The following WWOX variants were observed in gnomAD, a reference collection of about 807,000 sequenced individuals.
WWOX encodes WW domain-containing oxidoreductase.
WWOX carries 69 observed loss-of-function variants against 46.2 expected under a neutral mutation model. The ratio of observed to expected loss-of-function variants is 1.49; its 90% CI spans 1.23 to 1.82. WWOX has a LOEUF of 1.82. Among genes scored for constraint, WWOX ranks in the 40% most tolerant of loss-of-function variants. The pLI is 0.00. For synonymous variants in WWOX, 359 were observed against 202.6 expected, an observed-to-expected ratio of 1.77 and a Z score of -6.56; for missense variants, 919 against 542.6, an observed-to-expected ratio of 1.69 and a Z score of -6.89.
intron 8 of WWOX, 55 bp downstream of exon 8, chr16:78,432,807 C>T (rs11150078): frequency 1.9e-6 from 3 of 1,612,786 alleles, no homozygotes; most frequent in Admixed American, 3.3e-5. Context: ...GAAACCTGCA[C>T]ACTTGTGTCT....
chr16:78,388,064 G>C (rs1374501502), intron 6 of WWOX, among the ~76,000 whole-genome samples: 1 of 152,136 alleles, frequency 6.6e-6, no homozygotes, highest in Non-Finnish European at 1.5e-5. Context: ...TCCTTGCATG[G>C]CTGTGTCACC....
At chr16:79,100,740 A>G (rs2049175038) in intron 8 of WWOX, among the ~76,000 whole-genome samples, 1 of 152,174 alleles carries the variant, frequency 6.6e-6, no homozygotes, top group Non-Finnish European at 1.5e-5. Context: ...TGCAATTAAA[A>G]TAATTCAGGG....
chr16:78,249,104 C>T (rs984650673), intron 5 of WWOX, among the ~76,000 whole-genome samples: 8 of 152,114 alleles, frequency 5.3e-5, no homozygotes, highest in Non-Finnish European at 7.4e-5. Context: ...CCTCCCACCT[C>T]GACCTCCCAA....
chr16:78,317,101 G>A (rs1053099855), intron 5 of WWOX, among the ~76,000 whole-genome samples: 13 of 152,174 alleles, frequency 8.5e-5, no homozygotes, highest in African/African-American at 3.1e-4. Flanking sequence ...GAAATTGGAG[G>A]GACTTGGAGA....
chr16:78,494,924 C>T (rs887201443), intron 8 of WWOX, among the ~76,000 whole-genome samples: 32 of 152,154 alleles, frequency 2.1e-4, no homozygotes, highest in African/African-American at 5.6e-4. Flanking sequence ...TTGTTATTTC[C>T]TCTTTCGGTA....
chr16:78,585,580 C>T (rs911300518), intron 8 of WWOX, among the ~76,000 whole-genome samples: 1 of 152,152 alleles, frequency 6.6e-6, no homozygotes, highest in Non-Finnish European at 1.5e-5. Flanking sequence ...GTGGCTCCAC[C>T]AGGACCTCTT....
At chr16:78,310,183 G>A (rs149932696) in intron 5 of WWOX, among the ~76,000 whole-genome samples, 4 of 151,698 alleles carry the variant, frequency 2.6e-5, no homozygotes, top group South Asian at 2.1e-4. Context: ...AGAATTTTCC[G>A]TAAGAACATT....
chr16:79,181,162 G>A (rs964059327), intron 8 of WWOX, among the ~76,000 whole-genome samples: 4 of 152,162 alleles, frequency 2.6e-5, no homozygotes, highest in African/African-American at 9.7e-5. Context: ...GATTATACAT[G>A]CACTATAGGA....
chr16:78,503,192 A>C (rs1412133292), intron 8 of WWOX, among the ~76,000 whole-genome samples: 1 of 152,172 alleles, frequency 6.6e-6, no homozygotes. Context: ...ATTCCCTTTA[A>C]GCTGCTTATC....
chr16:79,147,620 A>G (rs1049552205), intron 8 of WWOX, among the ~76,000 whole-genome samples: 6 of 152,200 alleles, frequency 3.9e-5, no homozygotes, highest in African/African-American at 1.2e-4. Context: ...CATGAATGCA[A>G]TTGGTGGGTT....
rs2046264903 is a variant in WWOX at position 78,961,227 on chromosome 16, A to C, written c.1057-250381A>C. On this transcript the variant is annotated intron_variant, in intron 8 of 8. Transcript: ENST00000566780. ...GAAGTTAAAAGGTCTATGCAGATTAACGAGGAAAAATGAGGGAAATTACTG... is the reference window on the plus strand; with the variant it reads ...GAAGTTAAAAGGTCTATGCAGATTACCGAGGAAAAATGAGGGAAATTACTG... Among the ~76,000 whole-genome samples, 4 of 152,344 alleles carry C rather than the reference A, an allele frequency of 2.6e-5. No homozygotes were observed. In the South Asian group the frequency reaches 8.3e-4, roughly 32 times the overall value.
chr16:78,549,185 A>G (rs2044118552), intron 8 of WWOX, among the ~76,000 whole-genome samples: 1 of 152,192 alleles, frequency 6.6e-6, no homozygotes, highest in Non-Finnish European at 1.5e-5. Context: ...AGGAGGGACA[A>G]TAGAACCTCT....
intron 8 of WWOX, among the ~76,000 whole-genome samples, chr16:79,060,853 G>A (rs541416304): frequency 6.6e-6 from 1 of 152,308 alleles, no homozygotes; most frequent in Middle Eastern, 3.4e-3. Flanking sequence ...TTATTGAAAT[G>A]AATATTGGTT....
intron 8 of WWOX, among the ~76,000 whole-genome samples, chr16:78,618,302 C>A (rs752566213): frequency 6.6e-6 from 1 of 152,206 alleles, no homozygotes; most frequent in East Asian, 1.9e-4. Flanking sequence ...AGAAATACCA[C>A]AGGTCAGGTG....
chr16:79,167,127 A>G (rs1333704525), intron 8 of WWOX, among the ~76,000 whole-genome samples: 1 of 152,092 alleles, frequency 6.6e-6, no homozygotes, highest in African/African-American at 2.4e-5. Context: ...ATTTTATTAG[A>G]GACGGGGTTT....
At chr16:79,116,302 T>C (rs563180753) in intron 8 of WWOX, among the ~76,000 whole-genome samples, 53 of 152,348 alleles carry the variant, frequency 3.5e-4, no homozygotes, top group African/African-American at 1.3e-3. Context: ...AAAAGGATTC[T>C]CTGTAGCATG....
intron 8 of WWOX, among the ~76,000 whole-genome samples, chr16:78,697,469 C>T (rs2048125060): frequency 6.6e-6 from 1 of 152,106 alleles, no homozygotes; most frequent in Non-Finnish European, 1.5e-5. Flanking sequence ...AAACAGACAA[C>T]CCGCAGAGTG....
At chr16:78,434,021 C>T (rs1362521979) in intron 8 of WWOX, among the ~76,000 whole-genome samples, 1 of 151,980 alleles carries the variant, frequency 6.6e-6, no homozygotes, top group Non-Finnish European at 1.5e-5. Flanking sequence ...AATCTCCTGA[C>T]CTCGTGATCC....
At chr16:78,364,126 C>T (rs1293797554) in intron 5 of WWOX, among the ~76,000 whole-genome samples, 6 of 152,182 alleles carry the variant, frequency 3.9e-5, no homozygotes, top group Admixed American at 1.3e-4. Context: ...GGATGTCGCT[C>T]TCTATCCGTA....
Sources: gnomAD v4.1 joint callset for allele counts (sites outside exome capture counted in the v4.1 genomes callset) on GRCh38, gnomAD v4.1.1 for gene constraint, MANE v1.5 for transcripts, NCBI Gene and HGNC (gene_info 2026-07-23, HGNC 2026-07-21) for gene names.